PDE8A: variants seen among roughly 807,000 people sequenced by gnomAD.
The protein encoded by PDE8A is phosphodiesterase 8A.
PDE8A carries 59 observed loss-of-function variants against 105.0 expected under a neutral mutation model. The ratio of observed to expected loss-of-function variants is 0.56; its 90% confidence interval spans 0.46 to 0.70. The LOEUF is 0.70. Among genes scored for constraint, PDE8A ranks in the 30% least tolerant of loss-of-function variants. The pLI, the probability that PDE8A is intolerant of heterozygous loss-of-function variation, is 0.00. For missense variants in PDE8A, 1,014 were observed against 1,045.9 expected, an observed-to-expected ratio of 0.97 and a Z score of 0.42; for synonymous variants, 355 against 371.9, an observed-to-expected ratio of 0.95 and a Z score of 0.52.
intron 1 of PDE8A, among the ~76,000 whole-genome samples, chr15:85,009,530 C>A (rs890182977): frequency 6.6e-6 from 1 of 152,164 alleles, no homozygotes; most frequent in African/African-American, 2.4e-5. Context: ...GAAGTACTCA[C>A]AAGGATTTCA....
At chr15:85,057,840 C>G (rs752278432) in intron 1 of PDE8A, among the ~76,000 whole-genome samples, 2 of 152,120 alleles carry the variant, frequency 1.3e-5, no homozygotes, top group Non-Finnish European at 2.9e-5. Flanking sequence ...ATGTATTACA[C>G]TGATCAATTT....
intron 1 of PDE8A, among the ~76,000 whole-genome samples, chr15:84,998,097 T>C (rs529755483): frequency 3.0e-4 from 45 of 152,382 alleles, no homozygotes; most frequent in Middle Eastern, 6.8e-3. Flanking sequence ...CATTTACTTA[T>C]TGAAATCTTC....
intron 1 of PDE8A, among the ~76,000 whole-genome samples, chr15:84,990,104 C>G (rs763057179): frequency 1.3e-5 from 2 of 152,142 alleles, no homozygotes; most frequent in Non-Finnish European, 2.9e-5. Flanking sequence ...GTAGTCCCAT[C>G]TACTCAGGAG....
At position 85,054,777 on chromosome 15, in the gene PDE8A, A is replaced by AT. The variant is rs528701565; in HGVS notation, c.187-9587dup. On this transcript the variant is annotated intron_variant, in intron 1 of 21. Transcript: ENST00000394553. Reference sequence around the variant, plus strand: ...AAACAACCAGCTCCTGGATTCATTGATTTTTTGAAGAGTTTTTTGTGTCGC... The same window carrying AT: ...AAACAACCAGCTCCTGGATTCATTGATTTTTTTGAAGAGTTTTTTGTGTCGC... Among the ~76,000 whole-genome samples, 165 of 152,200 alleles carry AT rather than the reference A, an allele frequency of 1.1e-3. 1 individual carries two copies. The highest frequency in any genetic ancestry group is 3.5e-3 in the African/African-American group (144 of 41,538).
At chr15:85,048,428 A>G (rs2080920547) in intron 1 of PDE8A, among the ~76,000 whole-genome samples, 1 of 152,170 alleles carries the variant, frequency 6.6e-6, no homozygotes. Context: ...ACACCAATTC[A>G]TATAAAGGAC....
intron 1 of PDE8A, 131 bp downstream of exon 1, chr15:84,982,479 T>C: frequency 2.0e-6 from 1 of 497,284 alleles, no homozygotes; most frequent in Non-Finnish European, 3.2e-6. Context: ...TGGATGGTTC[T>C]GATTGACGCC....
chr15:85,037,574 T>G (rs932723426), intron 1 of PDE8A, among the ~76,000 whole-genome samples: 2 of 152,246 alleles, frequency 1.3e-5, no homozygotes. Context: ...CAGAAAGATA[T>G]TTCAAAATGT....
intron 1 of PDE8A, among the ~76,000 whole-genome samples, chr15:85,047,137 G>A (rs2080899539): frequency 6.6e-6 from 1 of 152,140 alleles, no homozygotes; most frequent in African/African-American, 2.4e-5. Flanking sequence ...TCAAAGCTAT[G>A]CTATTTAAAT....
intron 20 of PDE8A, among the ~76,000 whole-genome samples, chr15:85,134,721 G>A (rs1246670934): frequency 1.3e-5 from 2 of 152,134 alleles, no homozygotes; most frequent in Non-Finnish European, 2.9e-5. Context: ...TGCTAGGTAT[G>A]GTGCCATCCT....
chr15:85,051,372 T>G (rs746394090), intron 1 of PDE8A, among the ~76,000 whole-genome samples: 318 of 152,336 alleles, frequency 2.1e-3, no homozygotes, highest in Non-Finnish European at 3.8e-3. Context: ...CTTGCTTTGT[T>G]CCTGATCTTA....
chr15:85,068,023 A>G (rs1374257529), intron 3 of PDE8A, among the ~76,000 whole-genome samples: 1 of 151,004 alleles, frequency 6.6e-6, no homozygotes, highest in Non-Finnish European at 1.5e-5. Flanking sequence ...ACAATAAGCC[A>G]TCATCATTGT....
chr15:85,032,579 G>A (rs1202509474), intron 1 of PDE8A, among the ~76,000 whole-genome samples: 4 of 152,058 alleles, frequency 2.6e-5, no homozygotes, highest in African/African-American at 7.2e-5. Context: ...TCTTTAAGGG[G>A]CATGACTTCT....
intron 19 of PDE8A, among the ~76,000 whole-genome samples, chr15:85,125,682 C>G (rs2082247875): frequency 6.6e-6 from 1 of 152,192 alleles, no homozygotes; most frequent in African/African-American, 2.4e-5. Flanking sequence ...AGTCCTTTAT[C>G]CATCAAATAT....
chr15:84,990,624 C>A (rs1182163210), intron 1 of PDE8A, among the ~76,000 whole-genome samples: 1 of 151,984 alleles, frequency 6.6e-6, no homozygotes, highest in Non-Finnish European at 1.5e-5. Flanking sequence ...CTTATCTATT[C>A]TTTTGTTATT....
chr15:85,100,683 G>GC (rs1253398743), intron 11 of PDE8A, among the ~76,000 whole-genome samples: 1 of 152,142 alleles, frequency 6.6e-6, no homozygotes, highest in Non-Finnish European at 1.5e-5. Flanking sequence ...GCATTTCCCT[G>GC]GTTTGGAGTC....
At chr15:85,048,708 A>G (rs537505264) in intron 1 of PDE8A, among the ~76,000 whole-genome samples, 1 of 152,350 alleles carries the variant, frequency 6.6e-6, no homozygotes, top group South Asian at 2.1e-4. Flanking sequence ...TCATCGTTCA[A>G]ACTGGTCTCT....
rs148299566 is a variant in PDE8A, at chr15:85,022,714, A to ATT, written c.186+40375_186+40376dup. On this transcript the variant is annotated intron_variant, in intron 1 of 21. Transcript: ENST00000394553. ...CAGGTGCATGCCACCACACCTGGCT[A>ATT]TTTTTTTTTTGTATTTTTGGTAGAG... Among the ~76,000 whole-genome samples the ATT allele has an allele frequency of 1.5e-4, 22 of 146,080 alleles. 1 individual carries two copies. The South Asian group carries it at 4.1e-3, about 27-fold the overall frequency.
chr15:85,035,840 TCTCC>T (rs2080697823), intron 1 of PDE8A, among the ~76,000 whole-genome samples: 1 of 152,236 alleles, frequency 6.6e-6, no homozygotes, highest in Non-Finnish European at 1.5e-5. Flanking sequence ...TATTTAATGT[TCTCC>T]TTTGTTTCAC....
At chr15:85,101,211 C>G (rs1303294631) in intron 11 of PDE8A, among the ~76,000 whole-genome samples, 2 of 152,146 alleles carry the variant, frequency 1.3e-5, no homozygotes, top group African/African-American at 2.4e-5. Flanking sequence ...CACTAGGGCT[C>G]TGAAGCACAG....
Sources: gnomAD v4.1 joint callset for allele counts (sites outside exome capture counted in the v4.1 genomes callset) on GRCh38, gnomAD v4.1.1 for gene constraint, MANE v1.5 for transcripts, NCBI Gene and HGNC (gene_info 2026-07-23, HGNC 2026-07-21) for gene names.